FGF13: variants seen among roughly 807,000 people sequenced by gnomAD.
The protein encoded by FGF13 is fibroblast growth factor 13.
In FGF13, 2 loss-of-function variants were observed where a neutral mutation model predicts 19.5. That is an observed-to-expected ratio of 0.10 (90% CI 0.04 to 0.32). FGF13 has a LOEUF of 0.32. FGF13 is among the 10% of genes least tolerant of loss of function. FGF13 has a pLI of 1.00. For missense variants in FGF13, 113 were observed against 192.7 expected (o/e 0.59, Z 2.45); for synonymous variants, 72 against 76.9 (o/e 0.94, Z 0.33).
intron 4 of FGF13, among the ~76,000 whole-genome samples, chrX:138,633,205 T>C (rs2089141318): frequency 9.0e-6 from 1 of 111,279 alleles, no homozygotes; most frequent in Non-Finnish European, 1.9e-5. Flanking sequence ...GTGTCAATTA[T>C]AAATTAAATT....
intron 1 of FGF13, among the ~76,000 whole-genome samples, chrX:138,935,843 G>A (rs184579684): frequency 1.8e-5 from 2 of 112,096 alleles, no homozygotes; most frequent in Admixed American, 1.9e-4. Context: ...TTTCAAGAAT[G>A]TCGTAAAAAT....
rs1208454421 is a variant in FGF13, at chrX:138,723,934, A to C, written c.29-15006T>G. Among the ~76,000 whole-genome samples the C allele has an allele frequency of 2.7e-5, 3 of 111,154 alleles. No homozygotes were observed. The Admixed American group carries it at 2.9e-4, about 11-fold the overall frequency. On this transcript the variant is annotated intron_variant, in intron 1 of 4. Coordinates refer to the FGF13 transcript ENST00000305414. ...CACTCCTATGAGGTAGGGTGTTTTTATGTTTGTTTTGTTTTTATCAGGTAA... is the reference window on the plus strand; with the variant it reads ...CACTCCTATGAGGTAGGGTGTTTTTCTGTTTGTTTTGTTTTTATCAGGTAA...
At chrX:138,947,300 T>C (rs759707910) in intron 1 of FGF13, among the ~76,000 whole-genome samples, 2 of 111,059 alleles carry the variant, frequency 1.8e-5, no homozygotes, top group Non-Finnish European at 3.8e-5. Flanking sequence ...AAAAAAAAAC[T>C]TTTTTTTCAA....
At position 139,047,730 on chromosome X, in the gene FGF13, T is replaced by C. The variant is rs147496736; in HGVS notation, c.-113+155686A>G. Among the ~76,000 whole-genome samples, 516 of 112,069 alleles carry C rather than the reference T, an allele frequency of 4.6e-3. 1 individual carries two copies. The highest frequency in any genetic ancestry group is 8.2e-3 in the Non-Finnish European group (436 of 53,212). On this transcript the variant is annotated intron_variant, in intron 1 of 2. Transcript: ENST00000421460. ...AGAAGATATATTCCACTTTTCATAG[T>C]ACCTAGCATACAGTGGGTTTATCAT...
intron 1 of FGF13, among the ~76,000 whole-genome samples, chrX:139,100,409 G>A (rs2083503275): frequency 1.8e-5 from 2 of 109,664 alleles, no homozygotes; most frequent in Middle Eastern, 4.6e-3. Context: ...AAGGAGAAGA[G>A]TAGAGACGAT....
chrX:138,935,538 C>T (rs1364275228), intron 1 of FGF13, among the ~76,000 whole-genome samples: 1 of 112,040 alleles, frequency 8.9e-6, no homozygotes, highest in Non-Finnish European at 1.9e-5. Flanking sequence ...TCTGCCAAAT[C>T]ATTAAAGGCT....
At chrX:139,010,305 C>T (rs1031809000) in intron 1 of FGF13, among the ~76,000 whole-genome samples, 7 of 111,313 alleles carry the variant, frequency 6.3e-5, no homozygotes, top group Non-Finnish European at 1.1e-4. Flanking sequence ...CAAATGGACT[C>T]AACAGATACT....
chrX:138,903,919 T>C (rs1010305487), intron 1 of FGF13, among the ~76,000 whole-genome samples: 10 of 111,714 alleles, frequency 9.0e-5, no homozygotes, highest in African/African-American at 3.2e-4. Context: ...TGAGCAGGTG[T>C]ATATGCATGG....
chrX:139,185,959 C>G (rs1481054407), intron 1 of FGF13, among the ~76,000 whole-genome samples: 1 of 111,532 alleles, frequency 9.0e-6, no homozygotes. Context: ...ATATCACACA[C>G]AATCTATGGT....
chrX:138,790,063 A>C (rs1171468390), intron 3 of FGF13, among the ~76,000 whole-genome samples: 3 of 94,277 alleles, frequency 3.2e-5, no homozygotes, highest in African/African-American at 7.8e-5. Context: ...AAAAAAAAAA[A>C]AAAAAAACAA....
intron 1 of FGF13, among the ~76,000 whole-genome samples, chrX:138,884,388 G>T (rs773389629): frequency 2.9e-4 from 32 of 111,917 alleles, no homozygotes; most frequent in African/African-American, 1.0e-3. Flanking sequence ...GCCTCCTGTT[G>T]GAATTTTCTC....
chrX:138,920,485 C>T (rs1335947587), intron 1 of FGF13, among the ~76,000 whole-genome samples: 2 of 111,240 alleles, frequency 1.8e-5, no homozygotes, highest in Non-Finnish European at 3.8e-5. Context: ...TGACATGGTC[C>T]CACAAGACAA....
intron 1 of FGF13, among the ~76,000 whole-genome samples, chrX:139,127,145 T>G (rs1462430903): frequency 5.4e-5 from 6 of 111,859 alleles, no homozygotes; most frequent in Non-Finnish European, 9.4e-5. Context: ...ACTTTCTTAC[T>G]GTGAGAACCT....
chrX:139,137,977 G>T (rs1273820942), intron 1 of FGF13, among the ~76,000 whole-genome samples: 5 of 111,949 alleles, frequency 4.5e-5, no homozygotes, highest in Non-Finnish European at 9.4e-5. Context: ...TTAAAAAGTG[G>T]AATTTCCGTT....
intron 1 of FGF13, among the ~76,000 whole-genome samples, chrX:138,951,377 G>A (rs189564723): frequency 3.6e-5 from 4 of 111,513 alleles, no homozygotes; most frequent in African/African-American, 1.3e-4. Flanking sequence ...TCTTAGACAG[G>A]ATATAGTATA....
At position 138,848,371 on chromosome X, in the gene FGF13, G is replaced by C. The variant is rs377126142; in HGVS notation, c.217+9141C>G. 9.9e-5 allele frequency among the ~76,000 whole-genome samples: 11 copies of C among 111,246 alleles called. No individual in the cohort carries two copies. The East Asian group carries it at 2.6e-3, about 26-fold the overall frequency. ...GATTGACAGCTGACATCACTCAGCA[G>C]ACCTTATGCCAAGGTGATTATTTCC... On this transcript the variant is annotated intron_variant, in intron 3 of 6. Coordinates refer to the FGF13 transcript ENST00000436198.
At chrX:139,076,485 G>C in intron 1 of FGF13, among the ~76,000 whole-genome samples, 1 of 111,773 alleles carries the variant, frequency 8.9e-6, no homozygotes, top group Non-Finnish European at 1.9e-5. Flanking sequence ...GGGAACCATA[G>C]CACCTTCTGC....
intron 1 of FGF13, among the ~76,000 whole-genome samples, chrX:139,058,263 C>T (rs1000696169): frequency 3.6e-5 from 4 of 111,960 alleles, no homozygotes; most frequent in African/African-American, 1.3e-4. Flanking sequence ...AAATAGCAAG[C>T]ATCCTGTGGC....
intron 1 of FGF13, among the ~76,000 whole-genome samples, chrX:139,107,458 T>C (rs2083568564): frequency 8.9e-6 from 1 of 112,297 alleles, no homozygotes; most frequent in Non-Finnish European, 1.9e-5. Flanking sequence ...TATTCATCCT[T>C]CATTGCTGAA....
Sources: gnomAD v4.1 joint callset for allele counts (sites outside exome capture counted in the v4.1 genomes callset) on GRCh38, gnomAD v4.1.1 for gene constraint, MANE v1.5 for transcripts, NCBI Gene and HGNC (gene_info 2026-07-23, HGNC 2026-07-21) for gene names.